The following C6orf141 variants were observed in gnomAD, a reference collection of about 807,000 sequenced individuals.
C6orf141 encodes the protein chromosome 6 open reading frame 141, also known as uncharacterized protein C6orf141.
For missense variants in C6orf141, 361 were observed against 335.8 expected, an observed-to-expected ratio of 1.07 and a Z score of -0.59; for synonymous variants, 164 against 140.5, an observed-to-expected ratio of 1.17 and a Z score of -1.18.
chr6:49,550,909 G>T lies in C6orf141; in HGVS notation c.117G>T (p.Gly39=), dbSNP rs756975481. The change falls in exon 1 of 1, where the codon GGG becomes GGT. Residue 39 remains glycine (G), a synonymous_variant. Coordinates refer to ENST00000529246, the MANE Select transcript of C6orf141 (RefSeq NM_001145652.2). Reference sequence around the variant, plus strand: ...CTTTTCCGCGGGAGGTAGGGCGCGGGGCTCCGCTAGCTCCGGGCGCCCGGA... The same window carrying T: ...CTTTTCCGCGGGAGGTAGGGCGCGGTGCTCCGCTAGCTCCGGGCGCCCGGA... The part of the protein sequence containing the change: ...LGPFPREVGR[G]APLAPGARNP... 3 of 1,534,930 alleles carry T rather than the reference G, an allele frequency of 2.0e-6. No individual in the cohort carries two copies. The South Asian group carries it at 3.6e-5, about 19-fold the overall frequency.
At chr6:49,553,812 A>G (rs180818327), downstream of C6orf141, among the ~76,000 whole-genome samples, 12 of 152,294 alleles carry the variant, frequency 7.9e-5, no homozygotes, top group Admixed American at 2.0e-4. Context: ...AAGTTAAATG[A>G]AAATACTTAG....
At chr6:49,552,228 A>T (rs927152321), downstream of C6orf141, 1 of 152,326 alleles carries the variant, frequency 6.6e-6, no homozygotes, top group African/African-American at 2.4e-5. Flanking sequence ...AAAATACTGC[A>T]TGTAAATGTT....
downstream of C6orf141, chr6:49,552,882 T>A (rs1275890103): frequency 6.6e-6 from 1 of 152,230 alleles, no homozygotes; most frequent in Non-Finnish European, 1.5e-5. Flanking sequence ...TGACCCTTAC[T>A]TAGGGGTCAA....
intron 4 of C6orf141, among the ~76,000 whole-genome samples, chr6:49,561,300 T>C (rs1773281069): frequency 6.6e-6 from 1 of 152,074 alleles, no homozygotes; most frequent in Non-Finnish European, 1.5e-5. Context: ...GTTTTTACTA[T>C]GTTGGCCAGG....
At chr6:49,555,666 G>T (rs1426769367), downstream of C6orf141, among the ~76,000 whole-genome samples, 3 of 152,058 alleles carry the variant, frequency 2.0e-5, no homozygotes, top group Admixed American at 1.3e-4. Flanking sequence ...TCGCCATCAC[G>T]CCCGGCTAAT....
chr6:49,559,770 T>C (rs1470080617), intron 4 of C6orf141, among the ~76,000 whole-genome samples: 1 of 152,138 alleles, frequency 6.6e-6, no homozygotes, highest in Non-Finnish European at 1.5e-5. Flanking sequence ...AAAGGAGGCA[T>C]AAGGGGTACC....
downstream of C6orf141, chr6:49,555,026 T>C (rs1215203764): frequency 2.6e-5 from 4 of 152,196 alleles, no homozygotes; most frequent in African/African-American, 7.2e-5. Flanking sequence ...GGCTCTTTGA[T>C]CTTACCTCTA....
At chr6:49,556,341 C>CA (rs1215871301), downstream of C6orf141, among the ~76,000 whole-genome samples, 1 of 152,124 alleles carries the variant, frequency 6.6e-6, no homozygotes, top group Non-Finnish European at 1.5e-5. Context: ...GTTTTGAACA[C>CA]AGTTAAAGAT....
Position 49,551,868 on chromosome 6 carries a change from T to G in C6orf141, c.*341T>G, listed in dbSNP as rs1199059917. ...TCTTTTCTGTTCCCCGCCCCCCTCT[T>G]GTTTCTCTTTAGGACCTAGAAACAG... On this transcript the variant is annotated 3_prime_UTR_variant, in exon 1 of 1. Transcript: ENST00000529246. 9 of 1,149,458 alleles carry G rather than the reference T, an allele frequency of 7.8e-6. No individual in the cohort carries two copies. The highest frequency in any genetic ancestry group is 8.7e-6 in the Non-Finnish European group (8 of 922,216). The allele number at this position is 1,149,458 out of a possible 1,614,324, so 71.2% of individuals were successfully genotyped here. A position where few individuals can be genotyped will look rare whatever the true frequency, so the allele number is the denominator to read the frequency against.
At position 49,551,347 on chromosome 6, in the gene C6orf141, T is replaced by C; in HGVS notation, c.555T>C (p.Thr185=). The C allele has an allele frequency of 3.2e-6, 5 of 1,551,680 alleles. No homozygotes were observed. The highest frequency in any genetic ancestry group is 4.4e-6 in the Non-Finnish European group (5 of 1,146,980). The change falls in exon 1 of 1, where the codon ACT becomes ACC. Residue 185 remains threonine (T), a synonymous_variant. Coordinates refer to ENST00000529246, the MANE Select transcript of C6orf141 (RefSeq NM_001145652.2). ...CCAAGGGTCGCATGACCACGAGGAC[T>C]GAGGAGCACTTCGTGACCGCGCTCA... The part of the protein sequence containing the change: ...SWAKGRMTTR[T]EEHFVTALTF...
chr6:49,554,638 T>C (rs1771434001), downstream of C6orf141, among the ~76,000 whole-genome samples: 1 of 152,118 alleles, frequency 6.6e-6, no homozygotes, highest in South Asian at 2.1e-4. Context: ...CGCCTCGGCC[T>C]CCCAAAGTGG....
At chr6:49,561,238 C>T (rs948890178) in intron 4 of C6orf141, among the ~76,000 whole-genome samples, 8 of 152,120 alleles carry the variant, frequency 5.3e-5, no homozygotes, top group African/African-American at 1.4e-4. Flanking sequence ...GCTGAGATTA[C>T]GGGTGCGTGC....
downstream of C6orf141, chr6:49,552,338 T>C (rs1419448594): frequency 6.6e-6 from 1 of 152,238 alleles, no homozygotes; most frequent in African/African-American, 2.4e-5. Flanking sequence ...TAGTCAAGAA[T>C]AGATTGAAGA....
intron 4 of C6orf141, among the ~76,000 whole-genome samples, chr6:49,557,438 G>A (rs1415634141): frequency 6.6e-6 from 1 of 152,158 alleles, no homozygotes; most frequent in East Asian, 1.9e-4. Flanking sequence ...CTTTGTAGTG[G>A]CCAAGATGAT....
chr6:49,550,695 C>T lies in C6orf141; in HGVS notation c.-98C>T, dbSNP rs1352296726. The stretch of plus-strand genomic sequence containing the variant: ...TCTTCAGCTTTCACCGGCTGGGAGT[C>T]CGGAGCTGCAGCAGAGGCCACACCC... On this transcript the variant is annotated 5_prime_UTR_variant, in exon 1 of 1. Coordinates refer to ENST00000529246, the MANE Select transcript of C6orf141 (RefSeq NM_001145652.2). 2 of 1,096,818 alleles carry T rather than the reference C, an allele frequency of 1.8e-6. No homozygotes were observed. Among genetic ancestry groups the T allele is most frequent in the South Asian group, 3.9e-5 (2 of 51,200 alleles). The allele number at this position is 1,096,818 out of a possible 1,614,324, so 67.9% of individuals were successfully genotyped here. A position where few individuals can be genotyped will look rare whatever the true frequency, so the allele number is the denominator to read the frequency against.
At chr6:49,561,708 G>A (rs1332325747) in exon 5 of C6orf141, 1 of 151,816 alleles carries the variant, frequency 6.6e-6, no homozygotes, top group African/African-American at 2.4e-5. Context: ...AAATAGAGAT[G>A]GAGTCTCACT....
intron 4 of C6orf141, among the ~76,000 whole-genome samples, chr6:49,559,010 A>G (rs920994921): frequency 6.6e-6 from 1 of 151,484 alleles, no homozygotes; most frequent in Non-Finnish European, 1.5e-5. Context: ...CCCAGCCTTC[A>G]GTTTACTCTT....
rs1158936406 is a variant in C6orf141, at chr6:49,550,798, T to C, written c.6T>C (p.Asn2=). The C allele has an allele frequency of 3.4e-6, 5 of 1,458,708 alleles. No homozygotes were observed. In the East Asian group the frequency reaches 1.0e-4, roughly 29 times the overall value. The allele number at this position is 1,458,708 out of a possible 1,614,324, so 90.4% of individuals were successfully genotyped here. A position where few individuals can be genotyped will look rare whatever the true frequency, so the allele number is the denominator to read the frequency against. The change falls in exon 1 of 1, where the codon AAT becomes AAC. Residue 2 remains asparagine (N), a synonymous_variant. Transcript: ENST00000529246. M[N]DPFARMETRG... ...ACCGGTCAAAGAAGGAACGAATGAA[T>C]GACCCTTTTGCCAGGATGGAGACCC...
intron 4 of C6orf141, among the ~76,000 whole-genome samples, chr6:49,558,706 A>AT (rs1208324425): frequency 6.6e-6 from 1 of 150,934 alleles, no homozygotes; most frequent in African/African-American, 2.4e-5. Flanking sequence ...TACTTTTCGT[A>AT]TTTTTTTTGG....
Sources: allele counts gnomAD v4.1 joint callset (sites outside exome capture counted in the v4.1 genomes callset), GRCh38; gene constraint gnomAD v4.1.1; transcripts MANE v1.5; gene names NCBI Gene and HGNC (gene_info 2026-07-23, HGNC 2026-07-21).